The following TMEM196 variants were observed in gnomAD, a reference collection of about 807,000 sequenced individuals.
TMEM196 encodes transmembrane protein 196.
TMEM196 carries 17 observed loss-of-function variants against 20.0 expected under a neutral mutation model. The observed-to-expected ratio is 0.85, with a 90% CI of 0.58 to 1.27. TMEM196 has a LOEUF of 1.27. TMEM196 is among the 50% of genes most tolerant of loss of function. TMEM196 has a pLI of 0.00. For missense variants in TMEM196, 267 were observed against 223.0 expected (o/e 1.20, Z -1.26); for synonymous variants, 113 against 88.9 (o/e 1.27, Z -1.52).
chr7:19,725,158 G>T (rs906905220), intron 3 of TMEM196, among the ~76,000 whole-genome samples: 2 of 152,134 alleles, frequency 1.3e-5, no homozygotes, highest in African/African-American at 2.4e-5. Context: ...AGCTAGAAAA[G>T]GGAATTCATG....
At chr7:19,725,917 T>C (rs1164230074) in intron 2 of TMEM196, 149 bp from the exon 3 acceptor site, 1 of 896,446 alleles carries the variant, frequency 1.1e-6, no homozygotes, top group Non-Finnish European at 1.6e-6. Context: ...AGGAGATTTT[T>C]TTTTTACATT....
chr7:19,725,870 A>G, intron 2 of TMEM196, 102 bp from the exon 3 acceptor site: 1 of 1,373,482 alleles, frequency 7.3e-7, no homozygotes, highest in Admixed American at 2.6e-5. Flanking sequence ...AGCCTACAAT[A>G]AAGAAGAATA....
intron 1 of TMEM196, among the ~76,000 whole-genome samples, chr7:19,758,962 T>G (rs75290083): frequency 0.018 from 2,815 of 152,282 alleles, 82 homozygotes; most frequent in African/African-American, 0.065. Context: ...CTAAATCCAA[T>G]TACCCTTCAC....
At chr7:19,725,839 G>A (rs1026014137) in intron 2 of TMEM196, 71 bp from the exon 3 acceptor site, 58 of 1,487,066 alleles carry the variant, frequency 3.9e-5, no homozygotes, top group Non-Finnish European at 4.9e-5. Flanking sequence ...TGCCCTGTCC[G>A]GCTGCATGTC....
At chr7:19,736,396 TATATAA>T (rs1784409638) in intron 1 of TMEM196, among the ~76,000 whole-genome samples, 2 of 98,814 alleles carry the variant, frequency 2.0e-5, no homozygotes, top group Admixed American at 1.1e-4. Flanking sequence ...TATATATATA[TATATAA>T]ATTATCTCTG....
At chr7:19,770,909 A>G (rs1785845072) in intron 1 of TMEM196, among the ~76,000 whole-genome samples, 1 of 152,072 alleles carries the variant, frequency 6.6e-6, no homozygotes. Context: ...GATATTATCT[A>G]GGGAAAACCT....
At chr7:19,745,878 T>C (rs1367617956) in intron 1 of TMEM196, among the ~76,000 whole-genome samples, 1 of 151,648 alleles carries the variant, frequency 6.6e-6, no homozygotes, top group Non-Finnish European at 1.5e-5. Flanking sequence ...AATTATGGTC[T>C]TTTGGCATTT....
chr7:19,733,514 A>G (rs1321128748), intron 1 of TMEM196, among the ~76,000 whole-genome samples: 2 of 152,096 alleles, frequency 1.3e-5, no homozygotes, highest in Non-Finnish European at 2.9e-5. Context: ...AGGGAGGTGT[A>G]AAGCCCTGCT....
chr7:19,752,486 G>A (rs954366652), intron 1 of TMEM196, among the ~76,000 whole-genome samples: 4 of 152,216 alleles, frequency 2.6e-5, no homozygotes, highest in South Asian at 2.1e-4. Context: ...GCTTTTGAGC[G>A]AGTCCCTCTG....
intron 1 of TMEM196, among the ~76,000 whole-genome samples, chr7:19,756,714 C>T (rs1301231385): frequency 6.6e-6 from 1 of 151,938 alleles, no homozygotes; most frequent in African/African-American, 2.4e-5. Flanking sequence ...GTTTTCTGTT[C>T]CTGTGTTAGT....
chr7:19,731,941 A>G (rs761056706), intron 1 of TMEM196, among the ~76,000 whole-genome samples: 19 of 152,344 alleles, frequency 1.2e-4, no homozygotes, highest in Non-Finnish European at 2.2e-4. Flanking sequence ...TAACCTGAGA[A>G]AAAGTGGACA....
chr7:19,725,625 C>G lies in TMEM196; in HGVS notation c.348G>C (p.Gly116=), dbSNP rs372576223. ...TGAGCCAGGAAGAGAGAGTGCAGCC[C>G]CCGATCCCAATGCACGCGAGAGACA... ...ASMSLACIGI[G]GCTLSSWLTC... Residue 116 remains glycine, a synonymous_variant, in exon 3 of 5, where the codon GGG becomes GGC. Transcript: ENST00000405844. The G allele has an allele frequency of 3.1e-6, 5 of 1,613,938 alleles. No individual in the cohort carries two copies. The highest frequency in any genetic ancestry group is 3.4e-6 in the Non-Finnish European group (4 of 1,180,008).
Position 19,729,375 on chromosome 7 carries a change from CACTT to C in TMEM196, c.204+3_204+6del, listed in dbSNP as rs1014803402. The C allele has an allele frequency of 2.0e-5, 31 of 1,547,408 alleles. No individual in the cohort carries two copies. Among genetic ancestry groups the C allele is most frequent in the African/African-American group, 4.1e-5 (3 of 72,422 alleles). ...CAATGCACAATACAAACAAATCAAA[CACTT>C]ACGACAAGTCCTGATTTTTTTTTGG... is the stretch of plus-strand genomic sequence containing the variant. On this transcript the variant is annotated splice_donor_5th_base_variant and intron_variant, in intron 2 of 4. Transcript: ENST00000405844.
intron 1 of TMEM196, among the ~76,000 whole-genome samples, chr7:19,735,720 A>C (rs1784376169): frequency 6.6e-6 from 1 of 152,142 alleles, no homozygotes; most frequent in Non-Finnish European, 1.5e-5. Context: ...GCAAAGTTGA[A>C]CTGATAGGAT....
At chr7:19,732,126 G>C (rs552462410) in intron 1 of TMEM196, among the ~76,000 whole-genome samples, 1 of 152,300 alleles carries the variant, frequency 6.6e-6, no homozygotes, top group East Asian at 1.9e-4. Flanking sequence ...TACTGGAAGA[G>C]ATCTTAAAAG....
At position 19,747,629 on chromosome 7, in the gene TMEM196, C is replaced by G. The variant is rs1275115500; in HGVS notation, c.148-18191G>C. The stretch of plus-strand genomic sequence containing the variant: ...GCAGAGTTGGCGTTTGAACTTCAGC[C>G]TTTTTAACTCTAGAGGCTAACCTCA... On this transcript the variant is annotated intron_variant, in intron 1 of 4. Transcript: ENST00000405844. Among the ~76,000 whole-genome samples the G allele has an allele frequency of 2.6e-5, 4 of 152,310 alleles. No homozygotes were observed. In the East Asian group the frequency reaches 5.8e-4, roughly 22 times the overall value.
intron 1 of TMEM196, among the ~76,000 whole-genome samples, chr7:19,768,851 A>T (rs1299044445): frequency 6.6e-6 from 1 of 152,190 alleles, no homozygotes; most frequent in Admixed American, 6.5e-5. Context: ...GCCTGGAAAT[A>T]ATCTGTGTAA....
intron 2 of TMEM196, among the ~76,000 whole-genome samples, chr7:19,726,676 A>G (rs1414384952): frequency 6.6e-6 from 1 of 152,038 alleles, no homozygotes; most frequent in East Asian, 1.9e-4. Context: ...CCCTGGCAGA[A>G]CCAAGAATAA....
chr7:19,769,011 A>G (rs1785752569), intron 1 of TMEM196, among the ~76,000 whole-genome samples: 1 of 152,170 alleles, frequency 6.6e-6, no homozygotes, highest in African/African-American at 2.4e-5. Context: ...TTATGATTTT[A>G]GGGTCTCTCT....
Sources: allele counts gnomAD v4.1 joint callset (sites outside exome capture counted in the v4.1 genomes callset), GRCh38; gene constraint gnomAD v4.1.1; transcripts MANE v1.5; gene names NCBI Gene and HGNC (gene_info 2026-07-23, HGNC 2026-07-21).